Variants in TM9SF3 observed in about 807,000 individuals in gnomAD.
TM9SF3 encodes transmembrane 9 superfamily member 3.
TM9SF3 carries 14 observed loss-of-function variants against 78.6 expected under a neutral mutation model. The ratio of observed to expected loss-of-function variants is 0.18; its 90% CI spans 0.12 to 0.28. The LOEUF is 0.28. Ranked by LOEUF, TM9SF3 falls within the 10% of genes least tolerant of loss-of-function variation. TM9SF3 has a pLI of 1.00. For missense variants in TM9SF3, 496 were observed against 721.9 expected, an observed-to-expected ratio of 0.69 and a Z score of 3.59; for synonymous variants, 231 against 241.7, an observed-to-expected ratio of 0.96 and a Z score of 0.41.
At chr10:96,536,499 C>A (rs1847962212) in intron 9 of TM9SF3, among the ~76,000 whole-genome samples, 1 of 152,062 alleles carries the variant, frequency 6.6e-6, no homozygotes. Flanking sequence ...GTAACCCTAG[C>A]TCACTTATTG....
Position 96,521,187 on chromosome 10 carries a change from CA to C in TM9SF3, c.*1075del, listed in dbSNP as rs1847764298. The C allele has an allele frequency of 3.2e-6, 1 of 310,828 alleles. No homozygotes were observed. The highest frequency in any genetic ancestry group is 5.9e-6 in the Non-Finnish European group (1 of 170,456). 19.3% of individuals were successfully genotyped at this position (310,828 alleles called of 1,614,324 possible). ...ACATTTTGAAGAAACCCCAATGTTT[CA>C]TGCAATGGTAGGCAAGATGTAAAAG... is the stretch of plus-strand genomic sequence containing the variant. On this transcript the variant is annotated 3_prime_UTR_variant, in exon 15 of 15. Transcript: ENST00000371142.
intron 1 of TM9SF3, among the ~76,000 whole-genome samples, chr10:96,579,232 CT>C (rs1268622550): frequency 1.3e-5 from 2 of 152,022 alleles, no homozygotes; most frequent in Admixed American, 6.6e-5. Context: ...GTAAGAGTAC[CT>C]TTTCAGAAAA....
chr10:96,581,182 CTTAT>C (rs1202197082), intron 1 of TM9SF3, among the ~76,000 whole-genome samples: 2 of 152,192 alleles, frequency 1.3e-5, no homozygotes, highest in Non-Finnish European at 2.9e-5. Context: ...TTGGGCCCCT[CTTAT>C]TTAAATACTG....
intron 3 of TM9SF3, among the ~76,000 whole-genome samples, chr10:96,563,737 T>C (rs529828576): frequency 6.6e-6 from 1 of 152,036 alleles, no homozygotes; most frequent in South Asian, 2.1e-4. Flanking sequence ...ACTTTGGGGG[T>C]AAAGACATAA....
At position 96,535,161 on chromosome 10, in the gene TM9SF3, T is replaced by G. The variant is rs370348555; in HGVS notation, c.1186-1971A>C. 3.9e-5 allele frequency among the ~76,000 whole-genome samples: 6 copies of G among 152,344 alleles called. No individual in the cohort carries two copies. In the South Asian group the frequency reaches 6.2e-4, roughly 16 times the overall value. ...AAAGACATTATCAATTGCTTAGCAT[T>G]TGTCAATATTTTCCCTTTTGTTGTC... is the stretch of plus-strand genomic sequence containing the variant. On this transcript the variant is annotated intron_variant, in intron 9 of 14. Coordinates refer to ENST00000371142, the MANE Select transcript of TM9SF3 (RefSeq NM_020123.4).
At position 96,586,929 on chromosome 10, in the gene TM9SF3, A is replaced by C; in HGVS notation, c.-94T>G. Reference sequence around the variant, plus strand: ...GCCGCCTCCGCCGCGGCCGATTCGCATCCACGGGGCGCGGACAGACGCACG... The same window carrying C: ...GCCGCCTCCGCCGCGGCCGATTCGCCTCCACGGGGCGCGGACAGACGCACG... On this transcript the variant is annotated 5_prime_UTR_variant, in exon 1 of 15. It removes an upstream start codon present in the reference 5' UTR. Transcript: ENST00000371142. The C allele has an allele frequency of 2.9e-6, 3 of 1,022,882 alleles. No individual in the cohort carries two copies. Among genetic ancestry groups the C allele is most frequent in the Non-Finnish European group, 3.6e-6 (3 of 825,296 alleles). The allele number at this position is 1,022,882 out of a possible 1,614,324, so 63.4% of individuals were successfully genotyped here. A position where few individuals can be genotyped will look rare whatever the true frequency, so the allele number is the denominator to read the frequency against.
Position 96,547,935 on chromosome 10 carries a change from C to T in TM9SF3, c.1014G>A (p.Val338=), listed in dbSNP as rs746159225. Residue 338 remains valine, a synonymous_variant, in exon 8 of 15, where the codon GTG becomes GTA. Transcript: ENST00000371142. The part of the protein sequence containing the change: ...AIFVYAATSP[V]NGYFGGSLYA... ...ACAGACTTCCTCCAAAATAACCATT[C>T]ACTGGAGACGTAGCAGCATAGACAA... 2 of 1,613,690 alleles carry T rather than the reference C, an allele frequency of 1.2e-6. No homozygotes were observed. The highest frequency in any genetic ancestry group is 2.2e-5 in the South Asian group (2 of 91,058).
chr10:96,569,833 A>T (rs905260034), intron 2 of TM9SF3, among the ~76,000 whole-genome samples: 1 of 152,164 alleles, frequency 6.6e-6, no homozygotes, highest in African/African-American at 2.4e-5. Flanking sequence ...GGAGATCAAG[A>T]CCATCCTGGC....
intron 12 of TM9SF3, 176 bp from the exon 13 acceptor site, chr10:96,527,672 A>G: frequency 1.8e-6 from 1 of 564,288 alleles, no homozygotes; most frequent in Non-Finnish European, 3.0e-6. Context: ...TCTAAGAATT[A>G]GAAAGCTCAA....
Position 96,528,193 on chromosome 10 carries a change from A to G in TM9SF3, c.1395-16T>C, listed in dbSNP as rs1187850922. 1 of 1,604,252 alleles carries G rather than the reference A, an allele frequency of 6.2e-7. No individual in the cohort carries two copies. The highest frequency in any genetic ancestry group is 1.3e-5 in the African/African-American group (1 of 74,500). On this transcript the variant is annotated splice_polypyrimidine_tract_variant and intron_variant, in intron 11 of 14. Coordinates refer to ENST00000371142, the MANE Select transcript of TM9SF3 (RefSeq NM_020123.4). The stretch of plus-strand genomic sequence containing the variant: ...GATGAAATACCTAAGTAAATGCAAT[A>G]AAGACACAGGTTTCCAGTCTTTATT...
chr10:96,574,324 A>G (rs1252160028), intron 2 of TM9SF3, among the ~76,000 whole-genome samples: 1 of 152,222 alleles, frequency 6.6e-6, no homozygotes, highest in Non-Finnish European at 1.5e-5. Context: ...TACAAAAAAA[A>G]GCTCATCATC....
intron 3 of TM9SF3, 68 bp downstream of exon 3, chr10:96,565,236 C>A: frequency 7.3e-7 from 1 of 1,379,042 alleles, no homozygotes; most frequent in Non-Finnish European, 9.5e-7. Context: ...ATCACCTTAA[C>A]AGAGTCATTT....
At chr10:96,560,060 A>T (rs1283070115) in intron 4 of TM9SF3, 1 of 578,308 alleles carries the variant, frequency 1.7e-6, no homozygotes, top group African/African-American at 1.9e-5. Flanking sequence ...CAAGTGTCTA[A>T]ATCAATTAAA....
intron 6 of TM9SF3, among the ~76,000 whole-genome samples, 198 bp downstream of exon 6, chr10:96,552,730 G>GA (rs996998533): frequency 1.3e-5 from 2 of 151,786 alleles, no homozygotes. Context: ...ATGTTTTCCT[G>GA]AAAAAAAATT....
At chr10:96,556,950 T>C (rs1000341625) in intron 5 of TM9SF3, among the ~76,000 whole-genome samples, 1 of 152,120 alleles carries the variant, frequency 6.6e-6, no homozygotes, top group Non-Finnish European at 1.5e-5. Context: ...TCCTCCATGA[T>C]ACACTTTCTT....
At chr10:96,537,623 A>G (rs1847975449) in intron 9 of TM9SF3, among the ~76,000 whole-genome samples, 1 of 152,234 alleles carries the variant, frequency 6.6e-6, no homozygotes, top group South Asian at 2.1e-4. Flanking sequence ...ACCTAAGGTC[A>G]GGAGTTCGAG....
chr10:96,539,083 C>CA (rs1343289024), intron 9 of TM9SF3, among the ~76,000 whole-genome samples: 2 of 152,104 alleles, frequency 1.3e-5, no homozygotes, highest in African/African-American at 4.8e-5. Flanking sequence ...TTTACAATAG[C>CA]AAAAAACTAG....
chr10:96,555,103 T>G (rs1848218733), intron 5 of TM9SF3, among the ~76,000 whole-genome samples: 1 of 151,722 alleles, frequency 6.6e-6, no homozygotes. Flanking sequence ...CCAAAGCAGG[T>G]TCATATATCA....
In TM9SF3 at chr10:96,563,741, GAC is replaced by G. The variant is rs2134151955; in HGVS notation, c.421+1561_421+1562del. Among the ~76,000 whole-genome samples the G allele has an allele frequency of 1.3e-5, 2 of 152,068 alleles. 1 individual carries two copies. Among genetic ancestry groups the G allele is most frequent in the African/African-American group, 4.8e-5 (2 of 41,458 alleles). On this transcript the variant is annotated intron_variant, in intron 3 of 14. Transcript: ENST00000371142. ...CTGAAAACCAGACTTTGGGGGTAAA[GAC>G]ATAATTATATCAAGTAAGAAGCTAC...
Sources: allele counts gnomAD v4.1 joint callset (sites outside exome capture counted in the v4.1 genomes callset), GRCh38; gene constraint gnomAD v4.1.1; transcripts MANE v1.5; gene names NCBI Gene and HGNC (gene_info 2026-07-23, HGNC 2026-07-21).